Variants in XIAP observed in about 807,000 individuals in gnomAD.
XIAP encodes X-linked inhibitor of apoptosis.
A neutral mutation model predicts 33.1 loss-of-function variants in XIAP; 3 were observed. The ratio of observed to expected loss-of-function variants is 0.09; its 90% CI spans 0.04 to 0.23. XIAP has a LOEUF of 0.23. Among genes scored for constraint, XIAP ranks in the 10% least tolerant of loss-of-function variants. XIAP has a pLI of 1.00. For synonymous variants in XIAP, 98 were observed against 121.3 expected, an observed-to-expected ratio of 0.81 and a Z score of 1.26; for missense variants, 264 against 363.0, an observed-to-expected ratio of 0.73 and a Z score of 2.22.
intron 4 of XIAP, 25 bp from the exon 5 acceptor site, chrX:123,892,706 C>T (rs189354595): frequency 6.0e-6 from 7 of 1,169,023 alleles, no homozygotes; most frequent in East Asian, 6.0e-5. Flanking sequence ...ATAATTCTAA[C>T]TTACAGTTCC....
Position 123,900,528 on chromosome X carries a change from G to A in XIAP, c.1135G>A (p.Ala379Thr), listed in dbSNP as rs1284873633. The change falls in exon 6 of 7, where the codon GCT becomes ACT. Residue 379 changes from alanine to threonine, a missense_variant. Transcript: ENST00000371199. ...TIFQNPMVQE[A>T]IRMGFSFKDI... ...CTTCCAAAATCCTATGGTACAAGAA[G>A]CTATACGAATGGGGTTCAGTTTCAA... The A allele has an allele frequency of 5.0e-6, 6 of 1,209,399 alleles. No individual in the cohort carries two copies. The African/African-American group carries it at 8.8e-5, about 18-fold the overall frequency.
chrX:123,865,104 TC>T (rs1294659930), intron 1 of XIAP, among the ~76,000 whole-genome samples: 1 of 109,491 alleles, frequency 9.1e-6, no homozygotes, highest in African/African-American at 3.3e-5. Flanking sequence ...AGCTGTCAAT[TC>T]TCAAGCTTTA....
intron 6 of XIAP, among the ~76,000 whole-genome samples, chrX:123,902,545 T>C (rs1420487673): frequency 8.9e-6 from 1 of 112,075 alleles, no homozygotes; most frequent in African/African-American, 3.2e-5. Context: ...TGAGAAATCC[T>C]AGATTTAGTG....
rs1248190030 is a variant in XIAP, at chrX:123,907,389, C to T, written c.*208C>T. 8.2e-6 allele frequency: 4 copies of T among 484,986 alleles called. No homozygotes were observed. Among genetic ancestry groups the T allele is most frequent in the Non-Finnish European group, 1.1e-5 (3 of 274,096 alleles). 40.0% of individuals were successfully genotyped at this position (484,986 alleles called of 1,213,427 possible). ...TTAGCTGTATTATCCATTTTTTTTA[C>T]TGTTATTTAATTGAAACCATAGACT... is the stretch of plus-strand genomic sequence containing the variant. On this transcript the variant is annotated 3_prime_UTR_variant, in exon 7 of 7. Coordinates refer to ENST00000371199, the MANE Select transcript of XIAP (RefSeq NM_001167.4).
At chrX:123,859,804 C>T (rs1209111274), upstream of XIAP, 2 of 237,504 alleles carry the variant, frequency 8.4e-6, no homozygotes, top group Non-Finnish European at 7.9e-6. Context: ...TTGCAAGGGC[C>T]TCATTTTTTC....
intron 3 of XIAP, among the ~76,000 whole-genome samples, chrX:123,890,696 C>T (rs1273854195): frequency 3.9e-5 from 4 of 102,410 alleles, no homozygotes; most frequent in Admixed American, 3.3e-4. Flanking sequence ...AATCCCAGCA[C>T]TTCGGGAGGC....
chrX:123,863,815 A>C (rs1030314034), intron 1 of XIAP, among the ~76,000 whole-genome samples: 4 of 111,373 alleles, frequency 3.6e-5, no homozygotes, highest in Middle Eastern at 4.2e-3. Context: ...GTTTTTAGAA[A>C]TAGATTAAGA....
At chrX:123,904,083 G>T (rs993951741) in intron 6 of XIAP, among the ~76,000 whole-genome samples, 4 of 111,748 alleles carry the variant, frequency 3.6e-5, no homozygotes, top group Admixed American at 9.6e-5. Context: ...CAGTATTGTT[G>T]TTGCTTTGTT....
intron 1 of XIAP, chrX:123,879,262 A>G (rs961231963): frequency 4.6e-5 from 5 of 109,059 alleles, no homozygotes; most frequent in Non-Finnish European, 9.5e-5. Context: ...GTCTTAGGGC[A>G]TAGCAGTGAC....
rs758540834 is a variant in XIAP, at chrX:123,877,837, G to A, written c.-32-7794G>A. ...AAATACAAAAAAATTAGCCGGGCGT[G>A]GTGGCGGGCGCCTGTAGTCCCAGCT... On this transcript the variant is annotated intron_variant, in intron 1 of 6. Coordinates refer to ENST00000371199, the MANE Select transcript of XIAP (RefSeq NM_001167.4). Among the ~76,000 whole-genome samples the A allele has an allele frequency of 4.5e-5, 5 of 110,836 alleles. No individual in the cohort carries two copies. The East Asian group carries it at 1.1e-3, about 25-fold the overall frequency.
chrX:123,903,313 T>G (rs2053530911), intron 6 of XIAP, among the ~76,000 whole-genome samples: 2 of 107,293 alleles, frequency 1.9e-5, no homozygotes, highest in East Asian at 2.9e-4. Context: ...CTCAGCCTCC[T>G]GAGTAGCTGG....
rs2053575953 is a variant in XIAP at position 123,909,074 on chromosome X, G to C, written c.*1893G>C. 1 of 282,828 alleles carries C rather than the reference G, an allele frequency of 3.5e-6. No homozygotes were observed. The highest frequency in any genetic ancestry group is 6.6e-6 in the Non-Finnish European group (1 of 151,691). The allele number at this position is 282,828 out of a possible 1,213,427, so 23.3% of individuals were successfully genotyped here. A position where few individuals can be genotyped will look rare whatever the true frequency, so the allele number is the denominator to read the frequency against. On this transcript the variant is annotated 3_prime_UTR_variant, in exon 7 of 7. Coordinates refer to ENST00000371199, the MANE Select transcript of XIAP (RefSeq NM_001167.4). Reference sequence around the variant, plus strand: ...AGATGGAGTCTTGCTTGTCACCCAGGCTGGAGTGCAGTGGAGTGATCTCTG... The same window carrying C: ...AGATGGAGTCTTGCTTGTCACCCAGCCTGGAGTGCAGTGGAGTGATCTCTG...
chrX:123,874,869 A>ATTTTTTTTTT (rs773693860), intron 1 of XIAP, among the ~76,000 whole-genome samples: 4 of 42,800 alleles, frequency 9.3e-5, no homozygotes, highest in Admixed American at 3.5e-4. Context: ...TAATTCTTGT[A>ATTTTTTTTTT]TTTTTTTTTT....
intron 6 of XIAP, among the ~76,000 whole-genome samples, chrX:123,904,580 T>C (rs1390709849): frequency 2.7e-5 from 3 of 110,295 alleles, no homozygotes; most frequent in East Asian, 5.7e-4. Flanking sequence ...CTCCTTCTTA[T>C]CTACTCCTGG....
intron 1 of XIAP, among the ~76,000 whole-genome samples, chrX:123,864,527 C>CGCGATCT (rs1569475395): frequency 1.1e-5 from 1 of 89,176 alleles, no homozygotes; most frequent in African/African-American, 4.5e-5. Context: ...AGTGCAGTAG[C>CGCGATCT]GCGATCTTGG....
At chrX:123,903,619 G>GGTTTTTTT (rs2053533672) in intron 6 of XIAP, among the ~76,000 whole-genome samples, 1 of 55,302 alleles carries the variant, frequency 1.8e-5, no homozygotes, top group African/African-American at 7.7e-5. Context: ...GTTTGTTTCA[G>GGTTTTTTT]TTTTTTTTTT....
At position 123,885,702 on chromosome X, in the gene XIAP, C is replaced by A. The variant is rs2148089294; in HGVS notation, c.40C>A (p.Pro14Thr). 1 of 1,210,237 alleles carries A rather than the reference C, an allele frequency of 8.3e-7. No homozygotes were observed. The highest frequency in any genetic ancestry group is 1.1e-6 in the Non-Finnish European group (1 of 894,819). Residue 14 changes from proline to threonine, a missense_variant, in exon 2 of 7, where the codon CCT becomes ACT. Pro to Thr is a conservative substitution (Grantham distance 38, BLOSUM62 -1). Coordinates refer to ENST00000371199, the MANE Select transcript of XIAP (RefSeq NM_001167.4). Reference sequence around the variant, plus strand: ...TTTTGAAGGATCTAAAACTTGTGTACCTGCAGACATCAATAAGGAAGAAGA... The same window carrying A: ...TTTTGAAGGATCTAAAACTTGTGTAACTGCAGACATCAATAAGGAAGAAGA... ...NSFEGSKTCV[P>T]ADINKEEEFV... is the part of the protein sequence containing the mutation.
intron 2 of XIAP, among the ~76,000 whole-genome samples, 153 bp from the exon 3 acceptor site, chrX:123,888,466 C>T (rs751643280): frequency 8.9e-6 from 1 of 112,580 alleles, no homozygotes; most frequent in Non-Finnish European, 1.9e-5. Context: ...GGATAAAAAT[C>T]ATATCTGTTA....
At chrX:123,866,877 C>T (rs932818406) in intron 1 of XIAP, among the ~76,000 whole-genome samples, 37 of 106,806 alleles carry the variant, frequency 3.5e-4, no homozygotes, top group African/African-American at 1.1e-3. Context: ...TTTTCTGAGA[C>T]GGAGTCTTGC....
Sources: allele counts gnomAD v4.1 joint callset (sites outside exome capture counted in the v4.1 genomes callset), GRCh38; gene constraint gnomAD v4.1.1; transcripts MANE v1.5; gene names NCBI Gene and HGNC (gene_info 2026-07-23, HGNC 2026-07-21).